HS3ST5: variants seen among roughly 807,000 people sequenced by gnomAD.
The protein encoded by HS3ST5 is heparan sulfate-glucosamine 3-sulfotransferase 5.
A neutral mutation model predicts 25.4 loss-of-function variants in HS3ST5; 10 were observed. That is an observed-to-expected ratio of 0.39 (90% confidence interval 0.24 to 0.67). HS3ST5 has a LOEUF of 0.67. Ranked by LOEUF, HS3ST5 falls within the 30% of genes least tolerant of loss-of-function variation. HS3ST5 has a pLI of 0.44. For synonymous variants in HS3ST5, 170 were observed against 162.4 expected, an observed-to-expected ratio of 1.05 and a Z score of -0.36; for missense variants, 324 against 420.7, an observed-to-expected ratio of 0.77 and a Z score of 2.01.
chr6:114,246,117 C>G (rs1205680215), intron 1 of HS3ST5, among the ~76,000 whole-genome samples: 2 of 152,158 alleles, frequency 1.3e-5, no homozygotes, highest in South Asian at 4.2e-4. Flanking sequence ...ATACAGCACT[C>G]TACACACATA....
At chr6:114,161,520 T>TC (rs1778947237) in intron 3 of HS3ST5, among the ~76,000 whole-genome samples, 1 of 84,540 alleles carries the variant, frequency 1.2e-5, no homozygotes, top group African/African-American at 4.9e-5. Flanking sequence ...TTCCTGAAGT[T>TC]TTATATATAT....
chr6:114,149,216 C>A (rs913867742), intron 3 of HS3ST5, among the ~76,000 whole-genome samples: 2 of 152,194 alleles, frequency 1.3e-5, no homozygotes, highest in Non-Finnish European at 1.5e-5. Flanking sequence ...TTTGACTCAG[C>A]AATCCCATTA....
chr6:114,117,278 T>C (rs1050751175), intron 3 of HS3ST5, among the ~76,000 whole-genome samples: 2 of 152,174 alleles, frequency 1.3e-5, no homozygotes, highest in Non-Finnish European at 2.9e-5. Context: ...CTTGGCTCCA[T>C]GTGATCATGG....
intron 3 of HS3ST5, among the ~76,000 whole-genome samples, chr6:114,139,589 T>C (rs1777807056): frequency 6.9e-6 from 1 of 145,336 alleles, no homozygotes; most frequent in African/African-American, 2.9e-5. Context: ...GATTCCTGTC[T>C]ATCTATTTAA....
At chr6:114,175,253 A>G (rs1779672692) in intron 2 of HS3ST5, among the ~76,000 whole-genome samples, 1 of 152,220 alleles carries the variant, frequency 6.6e-6, no homozygotes, top group South Asian at 2.1e-4. Flanking sequence ...ATTTGAAACC[A>G]GTACCCATTA....
At chr6:114,101,431 C>T (rs1215658428) in intron 3 of HS3ST5, among the ~76,000 whole-genome samples, 9 of 152,130 alleles carry the variant, frequency 5.9e-5, no homozygotes, top group African/African-American at 2.2e-4. Context: ...AAAAGCACCA[C>T]GTGGTTAAAA....
intron 3 of HS3ST5, among the ~76,000 whole-genome samples, chr6:114,081,285 G>A (rs777851399): frequency 7.2e-5 from 11 of 151,996 alleles, no homozygotes; most frequent in African/African-American, 2.7e-4. Context: ...ACAGAGACAC[G>A]AAATGAGCAC....
At chr6:114,158,262 AAAAG>A (rs1233507965) in intron 3 of HS3ST5, among the ~76,000 whole-genome samples, 3 of 152,242 alleles carry the variant, frequency 2.0e-5, no homozygotes, top group Non-Finnish European at 2.9e-5. Flanking sequence ...AAATATTAAT[AAAAG>A]AAAGAATAAA....
In HS3ST5 at chr6:114,205,725, T is replaced by C. The variant is rs73540378; in HGVS notation, c.-145+22860A>G. Among the ~76,000 whole-genome samples the C allele has an allele frequency of 1.0e-2, 1,520 of 152,230 alleles. 30 individuals carry two copies. The highest frequency in any genetic ancestry group is 0.035 in the African/African-American group (1,467 of 41,530). On this transcript the variant is annotated intron_variant, in intron 2 of 4. Transcript: ENST00000312719. ...CAATTTTTTTATGGACTCGGGGTAG[T>C]GGTTGGGGATGGTTTTGGGATGAAA... is the stretch of plus-strand genomic sequence containing the variant.
intron 3 of HS3ST5, among the ~76,000 whole-genome samples, chr6:114,067,502 C>T (rs1582559786): frequency 6.6e-6 from 1 of 152,140 alleles, no homozygotes; most frequent in African/African-American, 2.4e-5. Context: ...ATATACTAGG[C>T]TATTAAACCT....
chr6:114,306,485 T>C (rs1024897602), intron 1 of HS3ST5, among the ~76,000 whole-genome samples: 12 of 151,786 alleles, frequency 7.9e-5, no homozygotes, highest in African/African-American at 2.7e-4. Flanking sequence ...TTTTGAATTA[T>C]AACATTACTA....
chr6:114,110,001 C>A (rs1003658173), intron 3 of HS3ST5, among the ~76,000 whole-genome samples: 2 of 152,182 alleles, frequency 1.3e-5, no homozygotes, highest in African/African-American at 4.8e-5. Flanking sequence ...TCTCTCTCAA[C>A]ATGCCATGTC....
rs1425100512 is a variant in HS3ST5 at position 114,107,811 on chromosome 6, A to T, written c.-32-44934T>A. Among the ~76,000 whole-genome samples, 3 of 152,258 alleles carry T rather than the reference A, an allele frequency of 2.0e-5. No individual in the cohort carries two copies. The East Asian group carries it at 5.8e-4, about 29-fold the overall frequency. ...AAGAATATGCAAAACCTGTACACTGATAATTAAAAAGCATTATCGAGAGAA... is the reference window on the plus strand; with the variant it reads ...AAGAATATGCAAAACCTGTACACTGTTAATTAAAAAGCATTATCGAGAGAA... On this transcript the variant is annotated intron_variant, in intron 3 of 4. Transcript: ENST00000312719.
intron 3 of HS3ST5, among the ~76,000 whole-genome samples, chr6:114,073,384 T>A (rs1287058053): frequency 6.6e-6 from 1 of 152,134 alleles, no homozygotes; most frequent in Non-Finnish European, 1.5e-5. Context: ...ATTTTTGCAA[T>A]GTATCCACCT....
In HS3ST5 at chr6:114,222,872, G is replaced by A. The variant is rs113113889; in HGVS notation, c.-145+5713C>T. Among the ~76,000 whole-genome samples the A allele has an allele frequency of 2.8e-3, 425 of 151,902 alleles. 3 individuals are homozygous for A. The highest frequency in any genetic ancestry group is 1.0e-2 in the African/African-American group (415 of 41,528). On this transcript the variant is annotated intron_variant, in intron 2 of 4. Transcript: ENST00000312719. ...CTACTCTGTAGTAATGTGTGGTTTA[G>A]ATAGTTTAAGTTGCATTTATACAGA...
At chr6:114,208,018 C>T (rs1192314516) in intron 2 of HS3ST5, among the ~76,000 whole-genome samples, 1 of 152,124 alleles carries the variant, frequency 6.6e-6, no homozygotes, top group East Asian at 1.9e-4. Flanking sequence ...CCAAAAATAT[C>T]ACTCACAAAA....
Position 114,057,329 on chromosome 6 carries a change from T to C in HS3ST5, c.969A>G (p.Lys323=). The change falls in exon 5 of 5, where the codon AAA becomes AAG. Residue 323 remains lysine, a synonymous_variant. Coordinates refer to ENST00000312719, the MANE Select transcript of HS3ST5 (RefSeq NM_153612.4). Reference sequence around the variant, plus strand: ...TAAAAGGATGAAAGAATTTGCGCAATTTAGTAATGACAGAGGGGTCCACCT... The same window carrying C: ...TAAAAGGATGAAAGAATTTGCGCAACTTAGTAATGACAGAGGGGTCCACCT... ...HPEVDPSVIT[K]LRKFFHPFNQ... 1 of 1,614,046 alleles carries C rather than the reference T, an allele frequency of 6.2e-7. No homozygotes were observed. The highest frequency in any genetic ancestry group is 8.5e-7 in the Non-Finnish European group (1 of 1,179,978).
At chr6:114,275,243 A>G (rs1328995186) in intron 1 of HS3ST5, among the ~76,000 whole-genome samples, 5 of 152,048 alleles carry the variant, frequency 3.3e-5, no homozygotes, top group Non-Finnish European at 2.9e-5. Flanking sequence ...AGCACCTACT[A>G]GTTCCCTGAC....
intron 3 of HS3ST5, among the ~76,000 whole-genome samples, chr6:114,095,433 T>C (rs1382957859): frequency 6.6e-6 from 1 of 152,178 alleles, no homozygotes; most frequent in African/African-American, 2.4e-5. Flanking sequence ...TCAGGGCTGA[T>C]GGCTACAAGA....
Sources: gnomAD v4.1 joint callset for allele counts (sites outside exome capture counted in the v4.1 genomes callset) on GRCh38, gnomAD v4.1.1 for gene constraint, MANE v1.5 for transcripts, NCBI Gene and HGNC (gene_info 2026-07-23, HGNC 2026-07-21) for gene names.